Variants in CLNK observed in about 807,000 individuals in gnomAD.
CLNK encodes the protein cytokine-dependent hematopoietic cell linker.
CLNK carries 74 observed loss-of-function variants against 68.6 expected under a neutral mutation model. The ratio of observed to expected loss-of-function variants is 1.08; its 90% CI spans 0.89 to 1.31. CLNK has a LOEUF of 1.31. CLNK is among the 50% of genes most tolerant of loss of function. CLNK has a pLI of 0.00. For synonymous variants in CLNK, 198 were observed against 172.2 expected (o/e 1.15, Z -1.17); for missense variants, 553 against 515.3 (o/e 1.07, Z -0.71).
intron 2 of CLNK, among the ~76,000 whole-genome samples, chr4:10,626,113 G>C (rs1722662270): frequency 6.6e-6 from 1 of 152,148 alleles, no homozygotes. Flanking sequence ...CCCTGGCTGG[G>C]GCTCATGCCT....
At chr4:10,517,819 G>T (rs192417497) in intron 15 of CLNK, among the ~76,000 whole-genome samples, 72 of 152,274 alleles carry the variant, frequency 4.7e-4, no homozygotes, top group African/African-American at 1.6e-3. Context: ...TTTGTAGTTT[G>T]TTCAGAGAAT....
chr4:10,594,609 G>A lies in CLNK; in HGVS notation c.83+3369C>T, dbSNP rs571587703. ...GGAGCCACAGCTACCAGGCCTCACT[G>A]TTATAGATGTGGCTGTGCTTTCCAG... On this transcript the variant is annotated intron_variant, in intron 3 of 18. Coordinates refer to ENST00000226951, the MANE Select transcript of CLNK (RefSeq NM_052964.4). Among the ~76,000 whole-genome samples, 407 of 152,314 alleles carry A rather than the reference G, an allele frequency of 2.7e-3. 2 individuals are homozygous for A. The highest frequency in any genetic ancestry group is 9.1e-3 in the African/African-American group (379 of 41,558).
At chr4:10,676,046 AGTGTGT>A (rs34091285) in intron 1 of CLNK, among the ~76,000 whole-genome samples, 5,603 of 148,770 alleles carry the variant, frequency 0.038, 129 homozygotes, top group Admixed American at 0.051. Context: ...GAGCCAGAAG[AGTGTGT>A]GTGTGTGTGT....
chr4:10,733,234 A>G, the CLNK span, among the ~76,000 whole-genome samples: 1 of 151,866 alleles, frequency 6.6e-6, no homozygotes, highest in South Asian at 2.1e-4. Context: ...TACAGCCCCC[A>G]CGTCTGCCCA....
chr4:10,699,512 A>ATATATATATATTTTTTT, the CLNK span, among the ~76,000 whole-genome samples: 17 of 32,738 alleles, frequency 5.2e-4, no homozygotes, highest in African/African-American at 1.3e-3. Flanking sequence ...ATATATATAT[A>ATATATATATATTTTTTT]TTTTTTTTTT....
chr4:10,710,210 T>G, the CLNK span, among the ~76,000 whole-genome samples: 10 of 152,308 alleles, frequency 6.6e-5, no homozygotes, highest in South Asian at 2.1e-3. Context: ...TGCAGAGATC[T>G]GGGCTCTGGT....
intron 2 of CLNK, among the ~76,000 whole-genome samples, chr4:10,639,647 A>G (rs1430176359): frequency 1.3e-5 from 2 of 152,248 alleles, no homozygotes; most frequent in African/African-American, 2.4e-5. Context: ...CTACTTAAAT[A>G]TAACTTAAAA....
chr4:10,643,840 A>T (rs1723409769), intron 2 of CLNK, among the ~76,000 whole-genome samples: 1 of 152,142 alleles, frequency 6.6e-6, no homozygotes. Context: ...TTCCTCAATT[A>T]TTTTATGCTC....
chr4:10,713,953 T>C, the CLNK span, among the ~76,000 whole-genome samples: 1 of 152,234 alleles, frequency 6.6e-6, no homozygotes, highest in South Asian at 2.1e-4. Context: ...CATGGGCCTT[T>C]TGAAGCTGCC....
At chr4:10,722,563 T>C in the CLNK span, among the ~76,000 whole-genome samples, 1 of 152,220 alleles carries the variant, frequency 6.6e-6, no homozygotes, top group Non-Finnish European at 1.5e-5. Context: ...GCTCTCATAA[T>C]GTTACCAGTT....
intron 3 of CLNK, among the ~76,000 whole-genome samples, chr4:10,587,202 G>A (rs111593529): frequency 6.6e-6 from 1 of 152,154 alleles, no homozygotes; most frequent in South Asian, 2.1e-4. Flanking sequence ...CTGACCTCAG[G>A]TGATCCACCC....
chr4:10,717,294 G>A, the CLNK span, among the ~76,000 whole-genome samples: 1 of 152,154 alleles, frequency 6.6e-6, no homozygotes, highest in African/African-American at 2.4e-5. Flanking sequence ...AGTATCAGAG[G>A]GGGTGGAGTA....
At chr4:10,616,212 A>G (rs1203992529) in intron 2 of CLNK, among the ~76,000 whole-genome samples, 1 of 152,172 alleles carries the variant, frequency 6.6e-6, no homozygotes, top group Non-Finnish European at 1.5e-5. Context: ...ACCACCCTCA[A>G]TTTAGTGAAG....
chr4:10,685,355 T>C (rs769121327), upstream of CLNK, among the ~76,000 whole-genome samples: 1 of 152,200 alleles, frequency 6.6e-6, no homozygotes, highest in South Asian at 2.1e-4. Context: ...TTTCCTTCAT[T>C]GAGGAAATGA....
intron 2 of CLNK, among the ~76,000 whole-genome samples, chr4:10,604,436 G>A (rs967107991): frequency 4.6e-5 from 7 of 152,128 alleles, no homozygotes; most frequent in South Asian, 2.1e-4. Context: ...CTTCTAAGCC[G>A]AGGAGATTTT....
rs375812296 is a variant in CLNK, at chr4:10,566,006, T to C, written c.292+3A>G. 3.6e-5 allele frequency: 58 copies of C among 1,613,540 alleles called. No homozygotes were observed. In the African/African-American group the frequency reaches 7.3e-4, roughly 20 times the overall value. ...TTATTTCAGGCAGACCCCCAAACGTTACCTGCATATTCAGATTCCTTTATA... is the reference window on the plus strand; with the variant it reads ...TTATTTCAGGCAGACCCCCAAACGTCACCTGCATATTCAGATTCCTTTATA... On this transcript the variant is annotated splice_donor_region_variant and intron_variant, in intron 6 of 18. Transcript: ENST00000226951.
chr4:10,520,523 A>G lies in CLNK; in HGVS notation c.772+268T>C, dbSNP rs1421022096. Among the ~76,000 whole-genome samples, 8 of 152,228 alleles carry G rather than the reference A, an allele frequency of 5.3e-5. No homozygotes were observed. The East Asian group carries it at 1.2e-3, about 22-fold the overall frequency. On this transcript the variant is annotated intron_variant, in intron 15 of 18. Coordinates refer to ENST00000226951, the MANE Select transcript of CLNK (RefSeq NM_052964.4). ...GAGCAATTTCAGTCTTATGAAGGGA[A>G]ATGATCACATTTTATACATGGGACA... is the stretch of plus-strand genomic sequence containing the variant.
At chr4:10,700,004 A>ATGTGTG in the CLNK span, among the ~76,000 whole-genome samples, 10,296 of 145,102 alleles carry the variant, frequency 0.071, 475 homozygotes, top group Non-Finnish European at 0.1. Flanking sequence ...GTGTGTGCAT[A>ATGTGTG]TGTGTGTGTG....
At chr4:10,698,904 G>A in the CLNK span, among the ~76,000 whole-genome samples, 1 of 152,176 alleles carries the variant, frequency 6.6e-6, no homozygotes, top group African/African-American at 2.4e-5. Context: ...AGAACAAGAT[G>A]GCTGAGTAGG....
Sources: gnomAD v4.1 joint callset for allele counts (sites outside exome capture counted in the v4.1 genomes callset) on GRCh38, gnomAD v4.1.1 for gene constraint, MANE v1.5 for transcripts, NCBI Gene and HGNC (gene_info 2026-07-23, HGNC 2026-07-21) for gene names.